DLG2: variants seen among roughly 807,000 people sequenced by gnomAD.
DLG2 encodes the protein discs large MAGUK scaffold protein 2.
A neutral mutation model predicts 132.5 loss-of-function variants in DLG2; 45 were observed. The ratio of observed to expected loss-of-function variants is 0.34; its 90% CI spans 0.27 to 0.44. The LOEUF (loss-of-function observed/expected upper bound fraction) is 0.44. Among genes scored for constraint, DLG2 ranks in the 20% least tolerant of loss-of-function variants. The probability of loss-of-function intolerance (pLI) is 1.00; values close to 1 mark genes in which losing one functional copy is unlikely to be tolerated. For missense variants in DLG2, 1,045 were observed against 1,196.9 expected, an observed-to-expected ratio of 0.87 and a Z score of 1.87; for synonymous variants, 424 against 419.6, an observed-to-expected ratio of 1.01 and a Z score of -0.13.
At chr11:83,512,863 C>A (rs140745863) in intron 21 of DLG2, among the ~76,000 whole-genome samples, 5,150 of 152,198 alleles carry the variant, frequency 0.034, 319 homozygotes, top group African/African-American at 0.12. Context: ...GACATGAACT[C>A]ATCATTTTTA....
intron 3 of DLG2, among the ~76,000 whole-genome samples, chr11:85,549,994 A>G (rs2076571492): frequency 6.6e-6 from 1 of 152,254 alleles, no homozygotes; most frequent in African/African-American, 2.4e-5. Flanking sequence ...AACAATAAAT[A>G]TAAGCAGCTG....
intron 21 of DLG2, among the ~76,000 whole-genome samples, chr11:83,488,977 G>A (rs981482792): frequency 2.6e-5 from 4 of 151,960 alleles, no homozygotes; most frequent in Admixed American, 1.3e-4. Context: ...ACAGAAATGT[G>A]TCTATGTGAA....
intron 7 of DLG2, among the ~76,000 whole-genome samples, chr11:84,259,881 G>A (rs1310523970): frequency 6.6e-6 from 1 of 152,176 alleles, no homozygotes; most frequent in African/African-American, 2.4e-5. Context: ...TGGCTCCAAA[G>A]TGGATAAATC....
chr11:84,909,677 G>A lies in DLG2; in HGVS notation c.357+201984C>T, dbSNP rs1030068976. ...CCCCAGGAGTAGTGTCTATCTATCC[G>A]AATAGGCTCAGTAAGAATTATACAT... On this transcript the variant is annotated intron_variant, in intron 6 of 27. Transcript: ENST00000376104. 5.3e-5 allele frequency among the ~76,000 whole-genome samples: 8 copies of A among 152,100 alleles called. No individual in the cohort carries two copies. In the South Asian group the frequency reaches 6.2e-4, roughly 12 times the overall value.
At chr11:84,528,132 G>C (rs2099327224) in intron 7 of DLG2, among the ~76,000 whole-genome samples, 1 of 152,158 alleles carries the variant, frequency 6.6e-6, no homozygotes, top group Admixed American at 6.5e-5. Flanking sequence ...TAGGCACTCA[G>C]TTAATATTTA....
chr11:85,587,788 C>A (rs927772693), intron 3 of DLG2, among the ~76,000 whole-genome samples: 2 of 151,972 alleles, frequency 1.3e-5, no homozygotes, highest in South Asian at 4.2e-4. Context: ...GTTTAATAGG[C>A]CCTGTGAGAT....
At chr11:84,270,489 A>G (rs542618371) in intron 7 of DLG2, among the ~76,000 whole-genome samples, 24 of 152,212 alleles carry the variant, frequency 1.6e-4, no homozygotes, top group Non-Finnish European at 2.9e-4. Flanking sequence ...TCCAGGTATC[A>G]GCCACTTTAA....
intron 14 of DLG2, among the ~76,000 whole-genome samples, chr11:83,958,815 T>C (rs1409934072): frequency 6.6e-6 from 1 of 152,064 alleles, no homozygotes; most frequent in African/African-American, 2.4e-5. Flanking sequence ...TGCTACTTTC[T>C]TACTCCAGCC....
intron 3 of DLG2, among the ~76,000 whole-genome samples, chr11:85,568,445 A>G (rs1347036088): frequency 1.3e-5 from 2 of 152,200 alleles, no homozygotes; most frequent in African/African-American, 4.8e-5. Context: ...AGAATTAATT[A>G]GACAGTATTC....
At chr11:83,569,686 C>A (rs746760426) in intron 19 of DLG2, among the ~76,000 whole-genome samples, 1 of 152,112 alleles carries the variant, frequency 6.6e-6, no homozygotes, top group Non-Finnish European at 1.5e-5. Context: ...GTAAGTCAGG[C>A]AGTGAAGAGG....
At chr11:84,949,043 C>T (rs528908268) in intron 6 of DLG2, among the ~76,000 whole-genome samples, 28 of 152,208 alleles carry the variant, frequency 1.8e-4, no homozygotes, top group African/African-American at 6.3e-4. Context: ...GGACCCGCCC[C>T]GAAAATCACG....
At chr11:83,463,418 A>G (rs555836909) in intron 26 of DLG2, among the ~76,000 whole-genome samples, 318 of 152,252 alleles carry the variant, frequency 2.1e-3, no homozygotes, top group Non-Finnish European at 4.0e-3. Context: ...AATGGATGTT[A>G]CTCGTGGGTG....
intron 3 of DLG2, among the ~76,000 whole-genome samples, chr11:85,490,230 T>A (rs767872699): frequency 2.6e-5 from 4 of 151,754 alleles, no homozygotes; most frequent in Non-Finnish European, 4.4e-5. Flanking sequence ...CAAATGAAAA[T>A]GAAAACACAA....
intron 3 of DLG2, among the ~76,000 whole-genome samples, chr11:85,439,503 G>A (rs1045275500): frequency 6.6e-6 from 1 of 151,904 alleles, no homozygotes; most frequent in Non-Finnish European, 1.5e-5. Flanking sequence ...GGGACTACAG[G>A]CACCCACCAC....
At chr11:85,119,035 A>C (rs928254301) in intron 5 of DLG2, among the ~76,000 whole-genome samples, 1 of 151,892 alleles carries the variant, frequency 6.6e-6, no homozygotes, top group African/African-American at 2.4e-5. Flanking sequence ...CTCTGAGTCT[A>C]TATTCTTGTA....
chr11:85,396,194 A>T (rs1315451301), intron 3 of DLG2, among the ~76,000 whole-genome samples: 1 of 152,234 alleles, frequency 6.6e-6, no homozygotes, highest in Non-Finnish European at 1.5e-5. Flanking sequence ...ACTGTTTGTT[A>T]GAAGGAAAAC....
At chr11:83,908,722 A>C (rs1390494410) in intron 15 of DLG2, among the ~76,000 whole-genome samples, 2 of 151,686 alleles carry the variant, frequency 1.3e-5, no homozygotes, top group Non-Finnish European at 1.5e-5. Context: ...GGCCAAAGGA[A>C]GGGACTCAAT....
intron 6 of DLG2, among the ~76,000 whole-genome samples, chr11:84,763,695 ACACAAACATT>A (rs2067980774): frequency 6.6e-6 from 1 of 152,218 alleles, no homozygotes; most frequent in East Asian, 1.9e-4. Flanking sequence ...GAAAGAGGAT[ACACAAACATT>A]CAGATGAGTG....
At chr11:84,717,545 GTTAA>G (rs1311140470) in intron 6 of DLG2, among the ~76,000 whole-genome samples, 9 of 151,924 alleles carry the variant, frequency 5.9e-5, no homozygotes, top group Admixed American at 3.9e-4. Context: ...AGTATAATTT[GTTAA>G]TTAATTTTCA....
Sources: allele counts gnomAD v4.1 joint callset (sites outside exome capture counted in the v4.1 genomes callset), GRCh38; gene constraint gnomAD v4.1.1; transcripts MANE v1.5; gene names NCBI Gene and HGNC (gene_info 2026-07-23, HGNC 2026-07-21).